Variants in RAPGEF4 observed in about 807,000 individuals in gnomAD.
The protein encoded by RAPGEF4 is Rap guanine nucleotide exchange factor 4.
In RAPGEF4, 66 loss-of-function variants were observed where a neutral mutation model predicts 147.9. That is an observed-to-expected ratio of 0.45 (90% CI 0.37 to 0.55). RAPGEF4 has a LOEUF of 0.55. Ranked by LOEUF, RAPGEF4 falls within the 20% of genes least tolerant of loss-of-function variation. The pLI, the probability that RAPGEF4 is intolerant of heterozygous loss-of-function variation, is 0.00. For missense variants in RAPGEF4, 1,071 were observed against 1,257.3 expected, an observed-to-expected ratio of 0.85 and a Z score of 2.24; for synonymous variants, 419 against 442.7, an observed-to-expected ratio of 0.95 and a Z score of 0.67.
chr2:173,018,429 G>T (rs553614651), intron 21 of RAPGEF4, among the ~76,000 whole-genome samples: 1 of 152,182 alleles, frequency 6.6e-6, no homozygotes, highest in Non-Finnish European at 1.5e-5. Flanking sequence ...AATATCTCTT[G>T]TTCTTTTAAT....
chr2:172,913,906 T>C (rs2150017085), intron 4 of RAPGEF4, among the ~76,000 whole-genome samples: 1 of 152,324 alleles, frequency 6.6e-6, no homozygotes, highest in East Asian at 1.9e-4. Context: ...CCAGAGACAA[T>C]CCTGGTTACT....
rs142391134 is a variant in RAPGEF4, at chr2:172,789,664, A to T, written c.66-5361A>T. On this transcript the variant is annotated intron_variant, in intron 1 of 30. Transcript: ENST00000397081. ...CTGGTAGCCACCATTCCACTCTTTT[A>T]TTCTATGAATTTGACTATTTTAGAA... 1.1e-3 allele frequency among the ~76,000 whole-genome samples: 174 copies of T among 152,246 alleles called. No individual in the cohort carries two copies. The South Asian group carries it at 0.019, about 16-fold the overall frequency.
chr2:172,933,656 A>G (rs535039806), intron 6 of RAPGEF4, among the ~76,000 whole-genome samples: 3 of 152,372 alleles, frequency 2.0e-5, no homozygotes, highest in Non-Finnish European at 4.4e-5. Context: ...TGAGACATAA[A>G]TCAGCAAGAA....
At chr2:172,909,644 G>A (rs1035340456) in intron 4 of RAPGEF4, among the ~76,000 whole-genome samples, 15 of 152,218 alleles carry the variant, frequency 9.9e-5, no homozygotes, top group Admixed American at 7.8e-4. Flanking sequence ...GAGTCACCTC[G>A]GAACCACTGC....
chr2:173,048,547 G>A (rs1390080524), intron 29 of RAPGEF4, 53 bp from the exon 30 acceptor site: 5 of 1,610,444 alleles, frequency 3.1e-6, no homozygotes, highest in Non-Finnish European at 3.4e-6. Flanking sequence ...TTTTTGGATT[G>A]TACTCTACGC....
At chr2:172,961,321 G>A (rs113441408) in intron 8 of RAPGEF4, 93 bp downstream of exon 8, 118 of 1,019,524 alleles carry the variant, frequency 1.2e-4, no homozygotes, top group Admixed American at 8.6e-4. Flanking sequence ...CCATGTGGGC[G>A]CAGCCCATTT....
chr2:172,857,099 A>C (rs1188103397), intron 4 of RAPGEF4, among the ~76,000 whole-genome samples: 2 of 151,934 alleles, frequency 1.3e-5, no homozygotes, highest in Non-Finnish European at 2.9e-5. Context: ...CCTGAATTGA[A>C]TTACTTTTGT....
intron 4 of RAPGEF4, among the ~76,000 whole-genome samples, chr2:172,881,457 CA>C (rs1263838057): frequency 6.6e-6 from 1 of 152,054 alleles, no homozygotes; most frequent in South Asian, 2.1e-4. Context: ...TTAGCATATG[CA>C]AAAAAGTTTT....
chr2:173,000,624 C>T (rs1487018566), intron 16 of RAPGEF4, among the ~76,000 whole-genome samples: 1 of 152,182 alleles, frequency 6.6e-6, no homozygotes, highest in Admixed American at 6.5e-5. Context: ...TCCTTACCTA[C>T]AAAATAGTTT....
At chr2:172,811,427 G>C (rs1688008232) in intron 3 of RAPGEF4, among the ~76,000 whole-genome samples, 1 of 152,216 alleles carries the variant, frequency 6.6e-6, no homozygotes, top group African/African-American at 2.4e-5. Flanking sequence ...CATGTTCCCT[G>C]CATAGGTGCT....
chr2:172,926,053 G>C (rs1463784557), intron 6 of RAPGEF4, among the ~76,000 whole-genome samples: 1 of 118,072 alleles, frequency 8.5e-6, no homozygotes. Flanking sequence ...GAGGGAGGGA[G>C]GGAGGGAGGG....
At chr2:173,041,661 T>C (rs1684773544) in intron 29 of RAPGEF4, among the ~76,000 whole-genome samples, 1 of 152,172 alleles carries the variant, frequency 6.6e-6, no homozygotes, top group Non-Finnish European at 1.5e-5. Flanking sequence ...AAAACCACAT[T>C]ATATGCAGTG....
At chr2:172,806,992 C>T (rs763177702) in intron 3 of RAPGEF4, among the ~76,000 whole-genome samples, 4 of 152,204 alleles carry the variant, frequency 2.6e-5, no homozygotes, top group African/African-American at 4.8e-5. Context: ...TCTATTCACT[C>T]ATTTCACTCC....
intron 15 of RAPGEF4, among the ~76,000 whole-genome samples, chr2:172,995,428 T>C (rs1367539371): frequency 1.3e-5 from 2 of 152,116 alleles, no homozygotes; most frequent in South Asian, 4.1e-4. Flanking sequence ...TACAGGCATG[T>C]GCCACCACGC....
At chr2:172,752,780 A>G (rs958194952) in intron 1 of RAPGEF4, among the ~76,000 whole-genome samples, 1 of 152,220 alleles carries the variant, frequency 6.6e-6, no homozygotes, top group African/African-American at 2.4e-5. Context: ...TGGATGTCCA[A>G]CTGGTTGAAT....
intron 27 of RAPGEF4, among the ~76,000 whole-genome samples, chr2:173,035,209 T>G (rs1410789937): frequency 1.3e-5 from 2 of 151,658 alleles, no homozygotes; most frequent in African/African-American, 2.4e-5. Flanking sequence ...TTTTTATTTT[T>G]TAAAAAACAG....
chr2:172,802,534 ACATGG>A (rs1687084016), intron 3 of RAPGEF4, among the ~76,000 whole-genome samples: 2 of 152,232 alleles, frequency 1.3e-5, no homozygotes, highest in African/African-American at 4.8e-5. Flanking sequence ...TTCCTGCAAC[ACATGG>A]GAATTGTGGG....
intron 4 of RAPGEF4, among the ~76,000 whole-genome samples, chr2:172,880,522 A>AT (rs1351735735): frequency 6.6e-6 from 1 of 152,188 alleles, no homozygotes; most frequent in African/African-American, 2.4e-5. Context: ...AAAAGTCTAG[A>AT]TTTTGAAGAA....
At chr2:172,737,352 A>T (rs1013499598) in intron 1 of RAPGEF4, among the ~76,000 whole-genome samples, 1 of 152,240 alleles carries the variant, frequency 6.6e-6, no homozygotes, top group African/African-American at 2.4e-5. Flanking sequence ...TGTTAATGTG[A>T]TAAGTATCTA....
Sources: allele counts gnomAD v4.1 joint callset (sites outside exome capture counted in the v4.1 genomes callset), GRCh38; gene constraint gnomAD v4.1.1; transcripts MANE v1.5; gene names NCBI Gene and HGNC (gene_info 2026-07-23, HGNC 2026-07-21).